ZNF12: variants seen among roughly 807,000 people sequenced by gnomAD.
ZNF12 encodes the protein gonadotropin inducible transcription repressor 3.
A neutral mutation model predicts 66.6 loss-of-function variants in ZNF12; 34 were observed. The observed-to-expected ratio is 0.51, with a 90% confidence interval of 0.39 to 0.68. The LOEUF (loss-of-function observed/expected upper bound fraction) is 0.68, where lower values mean the gene tolerates loss of function less well. Among genes scored for constraint, ZNF12 ranks in the 30% least tolerant of loss-of-function variants. The pLI is 0.00. For synonymous variants in ZNF12, 320 were observed against 278.9 expected, an observed-to-expected ratio of 1.15 and a Z score of -1.47; for missense variants, 697 against 826.9, an observed-to-expected ratio of 0.84 and a Z score of 1.93.
At chr7:6,703,476 G>A (rs188105868) in intron 2 of ZNF12, among the ~76,000 whole-genome samples, 2 of 152,298 alleles carry the variant, frequency 1.3e-5, no homozygotes, top group Non-Finnish European at 2.9e-5. Context: ...GTCAGAAAAT[G>A]GACAACTTTA....
intron 4 of ZNF12, among the ~76,000 whole-genome samples, chr7:6,694,323 G>A (rs928333471): frequency 5.9e-5 from 9 of 152,156 alleles, no homozygotes; most frequent in South Asian, 2.1e-4. Flanking sequence ...GATATCAACC[G>A]TAACCCCTAT....
chr7:6,695,781 G>T (rs1562599771), intron 4 of ZNF12, among the ~76,000 whole-genome samples: 1 of 152,198 alleles, frequency 6.6e-6, no homozygotes, highest in Non-Finnish European at 1.5e-5. Flanking sequence ...TGAAGTCGAG[G>T]GAAGGGAGAT....
intron 2 of ZNF12, among the ~76,000 whole-genome samples, chr7:6,701,972 T>C (rs1043982502): frequency 6.9e-6 from 1 of 143,926 alleles, no homozygotes; most frequent in Non-Finnish European, 1.5e-5. Flanking sequence ...AAAAAAAAAA[T>C]TCTCAATAGA....
chr7:6,706,189 G>A (rs567078316), intron 1 of ZNF12, among the ~76,000 whole-genome samples: 13 of 152,202 alleles, frequency 8.5e-5, no homozygotes, highest in Admixed American at 7.2e-4. Flanking sequence ...GCAATCTGGA[G>A]CAGAGAGAGG....
At chr7:6,706,020 C>T (rs1780349994) in intron 1 of ZNF12, among the ~76,000 whole-genome samples, 1 of 152,182 alleles carries the variant, frequency 6.6e-6, no homozygotes, top group African/African-American at 2.4e-5. Context: ...GACAAGTCAC[C>T]CACCTGCTAA....
chr7:6,703,304 A>G (rs1039181585), intron 2 of ZNF12, among the ~76,000 whole-genome samples: 3 of 152,218 alleles, frequency 2.0e-5, no homozygotes, highest in Admixed American at 2.0e-4. Context: ...GGGAAATGCA[A>G]TATGCCTGGG....
In ZNF12 at chr7:6,706,102, T is replaced by C. The variant is rs569196188; in HGVS notation, c.-51+330A>G. On this transcript the variant is annotated intron_variant, in intron 1 of 4. Coordinates refer to ENST00000405858, the MANE Select transcript of ZNF12 (RefSeq NM_016265.4). ...CTGTTCCTGCACTACAACGTATGAT[T>C]CCACAAGAGCAGACCTAAGGGGGAA... Among the ~76,000 whole-genome samples, 4 of 152,192 alleles carry C rather than the reference T, an allele frequency of 2.6e-5. No individual in the cohort carries two copies. In the South Asian group the frequency reaches 6.2e-4, roughly 24 times the overall value.
chr7:6,706,492 T>G lies in ZNF12; in HGVS notation c.-111A>C. The stretch of plus-strand genomic sequence containing the variant: ...CCGACAGGCCGGGGCGGGATTGCTG[T>G]CGCGGGCGCGCGTCTGCTCGCGAGG... On this transcript the variant is annotated 5_prime_UTR_variant, in exon 1 of 5. Transcript: ENST00000405858. The G allele has an allele frequency of 4.2e-6, 2 of 471,668 alleles. No individual in the cohort carries two copies. Among genetic ancestry groups the G allele is most frequent in the Non-Finnish European group, 8.4e-6 (2 of 236,842 alleles). 29.2% of individuals were successfully genotyped at this position (471,668 alleles called of 1,614,324 possible). A position where few individuals can be genotyped will look rare whatever the true frequency, so the allele number is the denominator to read the frequency against.
chr7:6,702,322 A>ACACACACACACACACC (rs1554294922), intron 2 of ZNF12, among the ~76,000 whole-genome samples: 1 of 121,482 alleles, frequency 8.2e-6, no homozygotes, highest in African/African-American at 3.4e-5. Flanking sequence ...ACACACACAC[A>ACACACACACACACACC]CACCAGATTC....
Position 6,691,309 on chromosome 7 carries a change from C to T in ZNF12, c.1633G>A (p.Gly545Arg). Residue 545 changes from glycine to arginine, a missense_variant, in exon 5 of 5, where the codon GGA (glycine) becomes AGA (arginine). Physicochemically the swap from Gly to Arg is moderately radical, Grantham distance 125 (BLOSUM62 -2). Coordinates refer to ENST00000405858, the MANE Select transcript of ZNF12 (RefSeq NM_016265.4). The part of the protein sequence containing the change: ...ALCRHRRIHK[G>R]EKPYECYICG... ...ATATAGCATTCATAGGGCTTCTCTC[C>T]TTTGTGTATTCTCCGATGTCTACAA... is the stretch of plus-strand genomic sequence containing the variant. The T allele has an allele frequency of 6.2e-7, 1 of 1,614,006 alleles. No individual in the cohort carries two copies. Among genetic ancestry groups the T allele is most frequent in the South Asian group, 1.1e-5 (1 of 91,076 alleles).
chr7:6,698,244 C>T lies in ZNF12; in HGVS notation c.16-433G>A, dbSNP rs984298512. Among the ~76,000 whole-genome samples, 13 of 143,786 alleles carry T rather than the reference C, an allele frequency of 9.0e-5. No individual in the cohort carries two copies. Among genetic ancestry groups the T allele is most frequent in the African/African-American group, 3.4e-4 (13 of 38,264 alleles). The allele number at this position is 143,786 out of a possible 152,430, so 94.3% of individuals were successfully genotyped here. On this transcript the variant is annotated intron_variant, in intron 2 of 4. Transcript: ENST00000405858. This position sits in a 1 kb window ranked among gnomAD's most constrained non-coding sequence, Gnocchi z 4.4. ...CTCCTTCTCAGTCCCTTTGCTGGCTCCTCCTCTACTCCAAGTCATCCTGAA... is the reference window on the plus strand; with the variant it reads ...CTCCTTCTCAGTCCCTTTGCTGGCTTCTCCTCTACTCCAAGTCATCCTGAA...
rs1233434390 is a variant in ZNF12 at position 6,691,697 on chromosome 7, C to T, written c.1245G>A (p.Gly415=). The T allele has an allele frequency of 4.3e-6, 7 of 1,613,642 alleles. No individual in the cohort carries two copies. Among genetic ancestry groups the T allele is most frequent in the East Asian group, 2.2e-5 (1 of 44,864 alleles). The change falls in exon 5 of 5, where the codon GGG becomes GGA. Residue 415 remains glycine, a synonymous_variant. Coordinates refer to ENST00000405858, the MANE Select transcript of ZNF12 (RefSeq NM_016265.4). The stretch of plus-strand genomic sequence containing the variant: ...GAGTAGACTTGCGGCAGAAGCATTT[C>T]CCACATTCACTACACTTGTAGAGTT... ...GVKLYKCSEC[G]KCFCRKSTLT...
rs1780192918 is a variant in ZNF12 at position 6,698,933 on chromosome 7, C to T, written c.16-1122G>A. Among the ~76,000 whole-genome samples, 2 of 152,144 alleles carry T rather than the reference C, an allele frequency of 1.3e-5. No individual in the cohort carries two copies. The highest frequency in any genetic ancestry group is 2.1e-4 in the South Asian group (1 of 4,822). ...TACCAGTATTAAATGGACTAATCCA[C>T]GAAAAGCACTTAGCATAGTTTTTTG... is the stretch of plus-strand genomic sequence containing the variant. On this transcript the variant is annotated intron_variant, in intron 2 of 4. Coordinates refer to ENST00000405858, the MANE Select transcript of ZNF12 (RefSeq NM_016265.4). This position sits in a 1 kb window ranked among gnomAD's most constrained non-coding sequence, Gnocchi z 4.4.
rs1780187759 is a variant in ZNF12 at position 6,698,571 on chromosome 7, A to G, written c.16-760T>C. ...AAATAACAAACAGGCTGGGCAACAC[A>G]CATTCTAGTTTTTATTTTTACTGCC... On this transcript the variant is annotated intron_variant, in intron 2 of 4. Transcript: ENST00000405858. This position sits in a 1 kb window ranked among gnomAD's most constrained non-coding sequence, Gnocchi z 4.4. 6.6e-6 allele frequency among the ~76,000 whole-genome samples: 1 copy of G among 152,198 alleles called. No homozygotes were observed. Among genetic ancestry groups the G allele is most frequent in the Non-Finnish European group, 1.5e-5 (1 of 68,042 alleles).
chr7:6,699,918 C>T (rs1180589370), intron 2 of ZNF12, among the ~76,000 whole-genome samples: 1 of 152,128 alleles, frequency 6.6e-6, no homozygotes, highest in Non-Finnish European at 1.5e-5. Flanking sequence ...AGTGTGAACA[C>T]ATAAAATCTC....
In ZNF12 at chr7:6,691,393, C is replaced by T. The variant is rs1436459849; in HGVS notation, c.1549G>A (p.Gly517Arg). The stretch of plus-strand genomic sequence containing the variant: ...TCACTACATTCATAGGGTTTTACTC[C>T]TGAATGAGTTCTATGATGGATAGTG... ...YLTIHHRTHS[G>R]VKPYECSECG... The change falls in exon 5 of 5, where the codon GGA (glycine) becomes AGA (arginine). Residue 517 changes from glycine to arginine, a missense_variant. Around this residue, in one of 3 missense-constraint regions of ZNF12, gnomAD observed 401 missense variants for 519.0 expected, o/e 0.77. Coordinates refer to ENST00000405858, the MANE Select transcript of ZNF12 (RefSeq NM_016265.4). The T allele has an allele frequency of 6.2e-7, 1 of 1,613,988 alleles. No homozygotes were observed. The highest frequency in any genetic ancestry group is 8.5e-7 in the Non-Finnish European group (1 of 1,179,906).
rs1478639491 is a variant in ZNF12 at position 6,698,934 on chromosome 7, G to A, written c.16-1123C>T. Reference sequence around the variant, plus strand: ...ACCAGTATTAAATGGACTAATCCACGAAAAGCACTTAGCATAGTTTTTTGG... The same window carrying A: ...ACCAGTATTAAATGGACTAATCCACAAAAAGCACTTAGCATAGTTTTTTGG... On this transcript the variant is annotated intron_variant, in intron 2 of 4. Coordinates refer to ENST00000405858, the MANE Select transcript of ZNF12 (RefSeq NM_016265.4). This position sits in a 1 kb window ranked among gnomAD's most constrained non-coding sequence, Gnocchi z 4.4. 2.0e-5 allele frequency among the ~76,000 whole-genome samples: 3 copies of A among 152,158 alleles called. No individual in the cohort carries two copies. The highest frequency in any genetic ancestry group is 6.5e-5 in the Admixed American group (1 of 15,272).
In ZNF12 at chr7:6,698,503, A is replaced by G. The variant is rs1287928155; in HGVS notation, c.16-692T>C. Among the ~76,000 whole-genome samples, 5 of 152,220 alleles carry G rather than the reference A, an allele frequency of 3.3e-5. No individual in the cohort carries two copies. Among genetic ancestry groups the G allele is most frequent in the Non-Finnish European group, 7.3e-5 (5 of 68,036 alleles). On this transcript the variant is annotated intron_variant, in intron 2 of 4. Coordinates refer to ENST00000405858, the MANE Select transcript of ZNF12 (RefSeq NM_016265.4). The surrounding 1 kb of genome is among the most constrained non-coding windows in gnomAD (Gnocchi z 4.4). ...TCCTGTTCAAACCTGCTCCTACCAT[A>G]GCTACTACTGGAACCAACCCACAAT...
chr7:6,689,270 A>G lies in ZNF12; in HGVS notation c.*1578T>C, dbSNP rs570745430. 1 of 152,378 alleles carries G rather than the reference A, an allele frequency of 6.6e-6. No individual in the cohort carries two copies. The highest frequency in any genetic ancestry group is 1.5e-5 in the Non-Finnish European group (1 of 68,050). The allele number at this position is 152,378 out of a possible 1,614,324, so 9.4% of individuals were successfully genotyped here. A position where few individuals can be genotyped will look rare whatever the true frequency, so the allele number is the denominator to read the frequency against. On this transcript the variant is annotated 3_prime_UTR_variant, in exon 5 of 5. Transcript: ENST00000405858. ...TCAGGGTCTTTCAGTATTTCTGCTC[A>G]GGCCATGATTAAACTATAATCCATT...
Sources: gnomAD v4.1 joint callset for allele counts (sites outside exome capture counted in the v4.1 genomes callset) on GRCh38, gnomAD v4.1.1 for gene constraint, gnomAD v4.1.1 regional missense constraint, Gnocchi (gnomAD v3.1) non-coding constraint, MANE v1.5 for transcripts, NCBI Gene and HGNC (gene_info 2026-07-23, HGNC 2026-07-21) for gene names.